LRP1B: variants seen among roughly 807,000 people sequenced by gnomAD.
LRP1B encodes low-density lipoprotein receptor-related protein 1B.
In LRP1B, 217 loss-of-function variants were observed where a neutral mutation model predicts 556.6. The observed-to-expected ratio is 0.39, with a 90% CI of 0.35 to 0.44. LRP1B has a LOEUF of 0.44. LRP1B is among the 20% of genes least tolerant of loss of function. The pLI, the probability that LRP1B is intolerant of heterozygous loss-of-function variation, is 1.00. For missense variants in LRP1B, 5,053 were observed against 5,620.8 expected (o/e 0.90, Z 3.23); for synonymous variants, 2,047 against 1,865.8 (o/e 1.10, Z -2.50).
chr2:142,112,122 T>A (rs1707011756), intron 1 of LRP1B, among the ~76,000 whole-genome samples: 1 of 152,088 alleles, frequency 6.6e-6, no homozygotes, highest in Non-Finnish European at 1.5e-5. Flanking sequence ...GTTATTAATA[T>A]ACAGATGCCT....
intron 11 of LRP1B, among the ~76,000 whole-genome samples, chr2:141,027,156 C>G (rs1279187648): frequency 6.6e-6 from 1 of 152,070 alleles, no homozygotes; most frequent in Non-Finnish European, 1.5e-5. Context: ...AATAAGGTTA[C>G]TACAGTAGAG....
At chr2:140,305,091 A>C (rs1488222213) in intron 83 of LRP1B, among the ~76,000 whole-genome samples, 2 of 152,158 alleles carry the variant, frequency 1.3e-5, no homozygotes, top group Non-Finnish European at 2.9e-5. Flanking sequence ...AGGTAGTGTG[A>C]TGCCTCCAGC....
chr2:142,039,047 A>C (rs770786850), intron 1 of LRP1B, among the ~76,000 whole-genome samples: 1 of 151,508 alleles, frequency 6.6e-6, no homozygotes, highest in Non-Finnish European at 1.5e-5. Context: ...AAAAGAAATG[A>C]TTCACACCTG....
At chr2:141,547,294 T>C (rs1030375214) in intron 2 of LRP1B, among the ~76,000 whole-genome samples, 4 of 152,194 alleles carry the variant, frequency 2.6e-5, no homozygotes, top group African/African-American at 9.6e-5. Context: ...ACATCCTAAT[T>C]TCCAATGCTT....
intron 56 of LRP1B, among the ~76,000 whole-genome samples, chr2:140,495,025 T>G (rs1004171727): frequency 6.6e-6 from 1 of 152,170 alleles, no homozygotes; most frequent in Non-Finnish European, 1.5e-5. Flanking sequence ...CATGCTTTAT[T>G]AAATGTATAA....
intron 2 of LRP1B, among the ~76,000 whole-genome samples, chr2:141,637,456 A>G (rs1403341886): frequency 6.6e-6 from 1 of 152,232 alleles, no homozygotes; most frequent in Non-Finnish European, 1.5e-5. Flanking sequence ...CAAAGGGTCT[A>G]GTTCAGCTCT....
intron 11 of LRP1B, among the ~76,000 whole-genome samples, chr2:141,020,605 A>G (rs774337215): frequency 2.0e-5 from 3 of 152,066 alleles, no homozygotes; most frequent in Admixed American, 6.6e-5. Flanking sequence ...GGGCACAAGT[A>G]TGAAAGCCCA....
chr2:141,827,450 G>T lies in LRP1B; in HGVS notation c.83-17049C>A, dbSNP rs137989667. ...TTGGGGGCATCCCAGCCCTAGTTCT[G>T]TCTGCCCAGCCTTCATTATGAGGCC... is the stretch of plus-strand genomic sequence containing the variant. On this transcript the variant is annotated intron_variant, in intron 1 of 90. Coordinates refer to ENST00000389484, the MANE Select transcript of LRP1B (RefSeq NM_018557.3). 3.1e-3 allele frequency among the ~76,000 whole-genome samples: 470 copies of T among 152,240 alleles called. 6 individuals are homozygous for T. The highest frequency in any genetic ancestry group is 0.011 in the African/African-American group (443 of 41,546).
At chr2:141,081,232 T>G (rs1699914843) in intron 7 of LRP1B, among the ~76,000 whole-genome samples, 1 of 152,198 alleles carries the variant, frequency 6.6e-6, no homozygotes, top group African/African-American at 2.4e-5. Flanking sequence ...AATTTGAATA[T>G]ACAGGGTTTG....
In LRP1B at chr2:142,071,735, G is replaced by T. The variant is rs1451849685; in HGVS notation, c.82+58913C>A. ...CATAAAGTTAGGCAACTCTGTTCTA[G>T]GCTCCCTTCTCTTCTTTCTCTACAT... On this transcript the variant is annotated intron_variant, in intron 1 of 90. Coordinates refer to ENST00000389484, the MANE Select transcript of LRP1B (RefSeq NM_018557.3). Among the ~76,000 whole-genome samples the T allele has an allele frequency of 4.6e-5, 7 of 151,794 alleles. No individual in the cohort carries two copies. The East Asian group carries it at 1.4e-3, about 30-fold the overall frequency.
intron 32 of LRP1B, among the ~76,000 whole-genome samples, chr2:140,792,452 G>A (rs1483440127): frequency 6.6e-6 from 1 of 152,030 alleles, no homozygotes; most frequent in African/African-American, 2.4e-5. Context: ...CATTATTTGA[G>A]ATAACCAGAA....
chr2:140,997,938 G>A (rs1461146959), intron 15 of LRP1B, among the ~76,000 whole-genome samples: 2 of 151,938 alleles, frequency 1.3e-5, no homozygotes, highest in African/African-American at 4.8e-5. Flanking sequence ...CAACCTAAGT[G>A]GTACATAATC....
intron 41 of LRP1B, among the ~76,000 whole-genome samples, chr2:140,608,429 C>T (rs187353673): frequency 6.8e-4 from 103 of 152,292 alleles, no homozygotes; most frequent in African/African-American, 2.3e-3. Context: ...GATCGTGGAT[C>T]TGTTAAGTTT....
intron 1 of LRP1B, among the ~76,000 whole-genome samples, chr2:141,990,587 ATTC>A (rs1163680057): frequency 1.3e-5 from 2 of 152,084 alleles, no homozygotes; most frequent in African/African-American, 4.8e-5. Flanking sequence ...CTCTTAGACC[ATTC>A]TTGTCTATGC....
At chr2:142,109,121 G>C (rs1706870248) in intron 1 of LRP1B, among the ~76,000 whole-genome samples, 1 of 152,158 alleles carries the variant, frequency 6.6e-6, no homozygotes, top group South Asian at 2.1e-4. Context: ...GTATTTTTCA[G>C]AGACAAATAT....
intron 7 of LRP1B, among the ~76,000 whole-genome samples, chr2:141,131,406 GTTAT>G (rs1701349204): frequency 9.0e-5 from 1 of 11,144 alleles, no homozygotes; most frequent in African/African-American, 4.0e-4. Context: ...AATGCATAAA[GTTAT>G]ATATATATAT....
intron 20 of LRP1B, among the ~76,000 whole-genome samples, chr2:140,926,146 C>T (rs1368839014): frequency 6.8e-6 from 1 of 146,630 alleles, no homozygotes; most frequent in Non-Finnish European, 1.5e-5. Context: ...TAAACAACTG[C>T]ATTATAATAA....
At chr2:140,341,208 GCA>G (rs1301299719) in intron 77 of LRP1B, among the ~76,000 whole-genome samples, 15 of 151,586 alleles carry the variant, frequency 9.9e-5, no homozygotes, top group African/African-American at 3.4e-4. Context: ...ACGTGTGTGT[GCA>G]CACACGTGCT....
At chr2:141,737,594 G>C (rs1239700363) in intron 2 of LRP1B, among the ~76,000 whole-genome samples, 1 of 152,162 alleles carries the variant, frequency 6.6e-6, no homozygotes, top group Non-Finnish European at 1.5e-5. Flanking sequence ...TGTCAGCTCA[G>C]ATTGATCTTG....
Sources: allele counts gnomAD v4.1 joint callset (sites outside exome capture counted in the v4.1 genomes callset), GRCh38; gene constraint gnomAD v4.1.1; transcripts MANE v1.5; gene names NCBI Gene and HGNC (gene_info 2026-07-23, HGNC 2026-07-21).